The following MARCHF7 variants were observed in gnomAD, a reference collection of about 807,000 sequenced individuals.
MARCHF7 encodes the protein membrane associated ring-CH-type finger 7, also known as E3 ubiquitin-protein ligase MARCHF7.
MARCHF7 carries 20 observed loss-of-function variants against 76.5 expected under a neutral mutation model. That is an observed-to-expected ratio of 0.26 (90% CI 0.18 to 0.38). The LOEUF (loss-of-function observed/expected upper bound fraction) is 0.38. Ranked by LOEUF, MARCHF7 falls within the 10% of genes least tolerant of loss-of-function variation. The pLI, the probability that MARCHF7 is intolerant of heterozygous loss-of-function variation, is 1.00. For missense variants in MARCHF7, 797 were observed against 812.9 expected, an observed-to-expected ratio of 0.98 and a Z score of 0.24; for synonymous variants, 295 against 293.0, an observed-to-expected ratio of 1.01 and a Z score of -0.07.
At chr2:159,765,678 C>G (rs989591157) in intron 11 of MARCHF7, among the ~76,000 whole-genome samples, 4 of 151,996 alleles carry the variant, frequency 2.6e-5, no homozygotes, top group African/African-American at 7.2e-5. Context: ...GGACTTAGTC[C>G]TCATAGGAAC....
At position 159,768,663 on chromosome 2, in the gene MARCHF7, C is replaced by G. The variant is rs545983879; in HGVS notation, c.*1321C>G. 6.5e-6 allele frequency: 1 copy of G among 152,706 alleles called. No individual in the cohort carries two copies. Among genetic ancestry groups the G allele is most frequent in the East Asian group, 1.9e-4 (1 of 5,182 alleles). The allele number at this position is 152,706 out of a possible 1,614,324, so 9.5% of individuals were successfully genotyped here. ...AGAATTTTATTACAATTTCAAATCT[C>G]ATTTTAAGCAATAATATAAATGTTC... On this transcript the variant is annotated 3_prime_UTR_variant, in exon 12 of 12. Coordinates refer to ENST00000409175, the MANE Select transcript of MARCHF7 (RefSeq NM_001282805.2).
At position 159,767,310 on chromosome 2, in the gene MARCHF7, G is replaced by A. The variant is rs778432716; in HGVS notation, c.2083G>A (p.Gly695Arg). ...ETSEDDSEEDGDHNRTFDIA is the reference protein window; with the variant it reads ...ETSEDDSEEDRDHNRTFDIA ...TTCAGAGGATGATTCCGAAGAAGAC[G>A]GAGACCATAACAGGACATTTGATAT... Residue 695 changes from glycine (G) to arginine (R), a missense_variant, in exon 12 of 12, where the codon GGA (glycine) becomes AGA (arginine). Around this residue, in one of 3 missense-constraint regions of MARCHF7, gnomAD observed 124 missense variants for 121.3 expected, o/e 1.02. Transcript: ENST00000409175. 58 of 1,611,124 alleles carry A rather than the reference G, an allele frequency of 3.6e-5. No individual in the cohort carries two copies. The highest frequency in any genetic ancestry group is 4.7e-5 in the Non-Finnish European group (55 of 1,178,176).
intron 1 of MARCHF7, among the ~76,000 whole-genome samples, chr2:159,713,309 A>T (rs969035342): frequency 6.6e-6 from 1 of 152,168 alleles, no homozygotes; most frequent in African/African-American, 2.4e-5. Context: ...ATTTTGGTGA[A>T]ACTGCGTATT....
chr2:159,759,097 A>ATG, intron 8 of MARCHF7, 129 bp from the exon 9 acceptor site: 1 of 593,920 alleles, frequency 1.7e-6, no homozygotes, highest in Non-Finnish European at 3.0e-6. Context: ...TACTGCAGAA[A>ATG]TGTAATATTT....
intron 4 of MARCHF7, among the ~76,000 whole-genome samples, chr2:159,729,997 T>C (rs1424220666): frequency 6.6e-6 from 1 of 152,240 alleles, no homozygotes; most frequent in Non-Finnish European, 1.5e-5. Context: ...TAAATTTGAT[T>C]TTTATGGTGA....
At chr2:159,729,777 GA>G (rs931255462) in intron 4 of MARCHF7, among the ~76,000 whole-genome samples, 17 of 152,172 alleles carry the variant, frequency 1.1e-4, no homozygotes, top group African/African-American at 3.4e-4. Flanking sequence ...TTTGTCAGAG[GA>G]ACAAAAACTG....
At chr2:159,739,814 A>G (rs1010269710) in intron 4 of MARCHF7, among the ~76,000 whole-genome samples, 11 of 152,228 alleles carry the variant, frequency 7.2e-5, no homozygotes, top group African/African-American at 2.4e-4. Flanking sequence ...ACTGATATGT[A>G]TATCTATATG....
chr2:159,729,104 A>G lies in MARCHF7; in HGVS notation c.82A>G (p.Ser28Gly). ...CTTAAGTGCTAGGATGATGTCTGGA[A>G]GCAGAGGAAGTAGTTTAAATGATAC... ...SSLSARMMSG[S>G]RGSSLNDTYH... The change falls in exon 4 of 12, where the codon AGC becomes GGC. Residue 28 changes from serine to glycine, a missense_variant. By Grantham distance (56) the Ser-to-Gly change is moderately conservative. This residue lies in a region of MARCHF7 where 643 missense variants were observed against 631.5 expected (regional missense o/e 1.02). Transcript: ENST00000409175. The G allele has an allele frequency of 3.7e-6, 6 of 1,611,810 alleles. No homozygotes were observed. The highest frequency in any genetic ancestry group is 4.2e-6 in the Non-Finnish European group (5 of 1,179,168).
At chr2:159,741,912 C>CTG (rs35046267) in intron 4 of MARCHF7, among the ~76,000 whole-genome samples, 4,288 of 152,000 alleles carry the variant, frequency 0.028, 90 homozygotes, top group Middle Eastern at 0.068. Flanking sequence ...TGTGTCCTGT[C>CTG]TGTGTGTGTG....
intron 3 of MARCHF7, among the ~76,000 whole-genome samples, chr2:159,719,616 C>A (rs1701407967): frequency 1.3e-5 from 2 of 152,048 alleles, no homozygotes; most frequent in Non-Finnish European, 2.9e-5. Context: ...GGATTTTTTT[C>A]TAGCTTATTT....
intron 3 of MARCHF7, among the ~76,000 whole-genome samples, chr2:159,721,054 AGGCGGTTTCGCCAT>A (rs1218620904): frequency 6.7e-6 from 1 of 149,426 alleles, no homozygotes; most frequent in Non-Finnish European, 1.5e-5. Flanking sequence ...TTTTTAGTAG[AGGCGGTTTCGCCAT>A]GTTGGCCAGG....
At chr2:159,758,927 A>G (rs1481206901) in intron 8 of MARCHF7, among the ~76,000 whole-genome samples, 1 of 152,148 alleles carries the variant, frequency 6.6e-6, no homozygotes, top group Non-Finnish European at 1.5e-5. Flanking sequence ...ATGACATTCC[A>G]TTGCCTCTGT....
chr2:159,733,819 T>C lies in MARCHF7; in HGVS notation c.153+4644T>C, dbSNP rs937185488. The C allele has an allele frequency of 6.1e-6, 7 of 1,155,782 alleles. No homozygotes were observed. The African/African-American group carries it at 6.3e-5, about 10-fold the overall frequency. The allele number at this position is 1,155,782 out of a possible 1,614,324, so 71.6% of individuals were successfully genotyped here. ...GATAAGGTTCTGAAATCTAGAAATA[T>C]AGGTGGTTTCTCTCACTTACACGAT... is the stretch of plus-strand genomic sequence containing the variant. On this transcript the variant is annotated intron_variant, in intron 4 of 11. Transcript: ENST00000409175.
intron 7 of MARCHF7, 40 bp downstream of exon 7, chr2:159,748,943 T>C: frequency 7.0e-7 from 1 of 1,432,950 alleles, no homozygotes; most frequent in Non-Finnish European, 9.3e-7. Context: ...AAATCAAAAA[T>C]AGAGAAAGAA....
intron 9 of MARCHF7, among the ~76,000 whole-genome samples, chr2:159,760,708 C>CTTTTTTTTTTTTTTTTTTTTTTT (rs34933843): frequency 6.8e-6 from 1 of 147,410 alleles, no homozygotes; most frequent in African/African-American, 2.5e-5. Context: ...CAGTTTTTTC[C>CTTTTTTTTTTTTTTTTTTTTTTT]TTTTTTGTTT....
At position 159,768,586 on chromosome 2, in the gene MARCHF7, A is replaced by C. The variant is rs1708023434; in HGVS notation, c.*1244A>C. The C allele has an allele frequency of 2.6e-5, 4 of 152,736 alleles. No individual in the cohort carries two copies. In the South Asian group the frequency reaches 8.3e-4, roughly 32 times the overall value. 9.5% of individuals were successfully genotyped at this position (152,736 alleles called of 1,614,324 possible). ...ACACACTGATTTATTTTACTGTTTG[A>C]AATGTTTCCTTTTAAACTGGTGCTC... On this transcript the variant is annotated 3_prime_UTR_variant, in exon 12 of 12. Transcript: ENST00000409175.
intron 7 of MARCHF7, among the ~76,000 whole-genome samples, chr2:159,749,627 C>T (rs1705368194): frequency 6.6e-6 from 1 of 152,050 alleles, no homozygotes; most frequent in East Asian, 1.9e-4. Flanking sequence ...GGATTACAGG[C>T]ATGAGTCACT....
At position 159,729,161 on chromosome 2, in the gene MARCHF7, G is replaced by A; in HGVS notation, c.139G>A (p.Asp47Asn). 4 of 1,596,668 alleles carry A rather than the reference G, an allele frequency of 2.5e-6. No homozygotes were observed. The highest frequency in any genetic ancestry group is 3.4e-6 in the Non-Finnish European group (4 of 1,174,096). The change falls in exon 4 of 12, where the codon GAT (aspartate) becomes AAT (asparagine). Residue 47 changes from aspartate (D) to asparagine (N), a missense_variant. Physicochemically the swap from Asp to Asn is conservative, Grantham distance 23. Around this residue, in one of 3 missense-constraint regions of MARCHF7, gnomAD observed 643 missense variants for 631.5 expected, o/e 1.02. Transcript: ENST00000409175. ...YHSRDSSFRL[D>N]SEYQSTSASA... ...CTCAAGAGACTCTTCATTTAGATTG[G>A]ATTCTGAATATCAGGTAACATTTTT...
chr2:159,742,614 A>C (rs369068413), intron 4 of MARCHF7, among the ~76,000 whole-genome samples: 27 of 152,244 alleles, frequency 1.8e-4, no homozygotes, highest in African/African-American at 4.8e-4. Flanking sequence ...GTGTATAGTA[A>C]ATGGACAAGT....
Sources: gnomAD v4.1 joint callset for allele counts (sites outside exome capture counted in the v4.1 genomes callset) on GRCh38, gnomAD v4.1.1 for gene constraint, gnomAD v4.1.1 regional missense constraint, MANE v1.5 for transcripts, NCBI Gene and HGNC (gene_info 2026-07-23, HGNC 2026-07-21) for gene names.